Variants in HDAC4 observed in about 807,000 individuals in gnomAD.
The protein encoded by HDAC4 is histone deacetylase 4, also known as histone deacetylase A.
A neutral mutation model predicts 135.1 loss-of-function variants in HDAC4; 16 were observed. The ratio of observed to expected loss-of-function variants is 0.12; its 90% CI spans 0.08 to 0.18. The LOEUF is 0.18. Ranked by LOEUF, HDAC4 falls within the 10% of genes least tolerant of loss-of-function variation. HDAC4 has a pLI of 1.00. For synonymous variants in HDAC4, 685 were observed against 653.4 expected, an observed-to-expected ratio of 1.05 and a Z score of -0.74; for missense variants, 1,143 against 1,511.8, an observed-to-expected ratio of 0.76 and a Z score of 4.05.
rs2125820603 is a variant in HDAC4 at position 239,331,328 on chromosome 2, G to A, written c.22+21350C>T. Among the ~76,000 whole-genome samples, 1 of 152,260 alleles carries A rather than the reference G, an allele frequency of 6.6e-6. No individual in the cohort carries two copies. The highest frequency in any genetic ancestry group is 3.4e-3 in the Middle Eastern group (1 of 294). On this transcript the variant is annotated intron_variant, in intron 2 of 26. Transcript: ENST00000543185. The surrounding 1 kb of genome is among the most constrained non-coding windows in gnomAD (Gnocchi z 4.5). ...GGAGGGAAGACAAGCAGGAAGGGGT[G>A]GGGTGGCCCTGCCCACTGCATTTCT...
chr2:239,061,503 G>A (rs1285324951), intron 24 of HDAC4, among the ~76,000 whole-genome samples: 2 of 152,004 alleles, frequency 1.3e-5, no homozygotes, highest in African/African-American at 2.4e-5. Context: ...GTGTGTGCAC[G>A]TGTGACTGGT....
chr2:239,108,017 C>G (rs1226358017), intron 15 of HDAC4, 33 bp downstream of exon 15: 10 of 1,609,970 alleles, frequency 6.2e-6, no homozygotes, highest in South Asian at 1.1e-5. Flanking sequence ...GTGCCCAAAG[C>G]CGCAGCTGCC....
chr2:239,084,830 C>T lies in HDAC4; in HGVS notation c.2445-588G>A, dbSNP rs542837689. Among the ~76,000 whole-genome samples, 367 of 150,918 alleles carry T rather than the reference C, an allele frequency of 2.4e-3. 3 individuals are homozygous for T. The highest frequency in any genetic ancestry group is 8.5e-3 in the African/African-American group (346 of 40,918). ...CACACCCCACAGATAGAGACACACA[C>T]ACCATGCAAACGCCCTACACACATA... On this transcript the variant is annotated intron_variant, in intron 19 of 26. Coordinates refer to ENST00000543185, the MANE Select transcript of HDAC4 (RefSeq NM_001378414.1).
intron 13 of HDAC4, among the ~76,000 whole-genome samples, chr2:239,112,801 T>C (rs1180727107): frequency 1.3e-5 from 2 of 152,194 alleles, no homozygotes; most frequent in African/African-American, 4.8e-5. Flanking sequence ...TTAGTTTTGA[T>C]GAACAAATCC....
chr2:239,291,620 G>C (rs573223515), intron 2 of HDAC4, among the ~76,000 whole-genome samples: 290 of 152,362 alleles, frequency 1.9e-3, no homozygotes, highest in African/African-American at 6.7e-3. Flanking sequence ...CCTGGAGAAT[G>C]AAAACAGCTT....
chr2:239,085,452 G>A (rs761898337), intron 19 of HDAC4, among the ~76,000 whole-genome samples: 1 of 152,210 alleles, frequency 6.6e-6, no homozygotes, highest in East Asian at 1.9e-4. Flanking sequence ...CATCCTAGAC[G>A]CTGAGCTCCT....
At chr2:239,160,558 C>T (rs1372351302) in intron 6 of HDAC4, among the ~76,000 whole-genome samples, 2 of 152,252 alleles carry the variant, frequency 1.3e-5, no homozygotes, top group East Asian at 1.9e-4. Context: ...CTCTGAATTT[C>T]CCATCAGTGG....
At chr2:239,294,435 GAA>G (rs1045509406) in intron 2 of HDAC4, among the ~76,000 whole-genome samples, 1 of 151,720 alleles carries the variant, frequency 6.6e-6, no homozygotes, top group Non-Finnish European at 1.5e-5. Context: ...GGGCAGAGAT[GAA>G]AAAAAAGAGA....
At position 239,050,313 on chromosome 2, in the gene HDAC4, T is replaced by A. The variant is rs1202355140; in HGVS notation, c.*2784A>T. The stretch of plus-strand genomic sequence containing the variant: ...CCATCATCTGCTTAAAAAAAAAAAG[T>A]GAGATGATGCATTCCTCCCCATAAG... On this transcript the variant is annotated 3_prime_UTR_variant, in exon 27 of 27. Coordinates refer to ENST00000543185, the MANE Select transcript of HDAC4 (RefSeq NM_001378414.1). 3 of 147,134 alleles carry A rather than the reference T, an allele frequency of 2.0e-5. No homozygotes were observed. Among genetic ancestry groups the A allele is most frequent in the African/African-American group, 7.5e-5 (3 of 40,088 alleles). The allele number at this position is 147,134 out of a possible 1,614,324, so 9.1% of individuals were successfully genotyped here.
chr2:239,226,028 A>G (rs1055010224), intron 3 of HDAC4, among the ~76,000 whole-genome samples: 1 of 152,216 alleles, frequency 6.6e-6, no homozygotes, highest in Non-Finnish European at 1.5e-5. Flanking sequence ...GCGACACCCT[A>G]ACACAGACAA....
At chr2:239,260,325 T>C (rs2049282953) in intron 2 of HDAC4, among the ~76,000 whole-genome samples, 2 of 152,202 alleles carry the variant, frequency 1.3e-5, no homozygotes. Context: ...TCACTAGCTG[T>C]CAGATCTTAG....
intron 3 of HDAC4, among the ~76,000 whole-genome samples, chr2:239,217,720 C>T (rs1318329906): frequency 6.6e-6 from 1 of 152,166 alleles, no homozygotes; most frequent in Non-Finnish European, 1.5e-5. Context: ...AGAAACCACA[C>T]ACACCAGACC....
chr2:239,113,804 G>A (rs1002190999), intron 13 of HDAC4, among the ~76,000 whole-genome samples: 1 of 152,186 alleles, frequency 6.6e-6, no homozygotes, highest in Non-Finnish European at 1.5e-5. Flanking sequence ...GAAGCACCGT[G>A]TGTGTGCCAG....
intron 19 of HDAC4, 29 bp downstream of exon 19, chr2:239,087,530 T>G (rs1435114831): frequency 1.2e-6 from 2 of 1,608,448 alleles, no homozygotes; most frequent in South Asian, 2.2e-5. Flanking sequence ...TGGGTTCCCC[T>G]GCTGTGCGGG....
At chr2:239,288,675 G>A (rs1001860358) in intron 2 of HDAC4, among the ~76,000 whole-genome samples, 5 of 139,434 alleles carry the variant, frequency 3.6e-5, no homozygotes, top group Non-Finnish European at 6.4e-5. Context: ...AAAAAAAAAC[G>A]TATTGTCTGC....
chr2:239,347,017 G>A (rs949060853), intron 2 of HDAC4, among the ~76,000 whole-genome samples: 10 of 137,574 alleles, frequency 7.3e-5, no homozygotes, highest in Non-Finnish European at 1.1e-4. Context: ...CCCATCACAC[G>A]CACACACCCT....
chr2:239,117,059 C>T (rs1011133100), intron 12 of HDAC4, among the ~76,000 whole-genome samples: 44 of 152,194 alleles, frequency 2.9e-4, no homozygotes, highest in African/African-American at 9.2e-4. Context: ...CATTGCTCAT[C>T]GCACATTCAC....
chr2:239,156,016 G>T (rs1439201451), intron 7 of HDAC4, among the ~76,000 whole-genome samples: 2 of 152,212 alleles, frequency 1.3e-5, no homozygotes, highest in African/African-American at 4.8e-5. Flanking sequence ...CCCTGAGAAA[G>T]TCACAGAGGG....
intron 12 of HDAC4, among the ~76,000 whole-genome samples, chr2:239,124,802 A>G (rs1337344088): frequency 8.5e-6 from 1 of 117,524 alleles, no homozygotes; most frequent in Non-Finnish European, 1.8e-5. Flanking sequence ...GTTATATGAC[A>G]TTCCACGTTA....
Sources: gnomAD v4.1 joint callset for allele counts (sites outside exome capture counted in the v4.1 genomes callset) on GRCh38, gnomAD v4.1.1 for gene constraint, Gnocchi (gnomAD v3.1) non-coding constraint, MANE v1.5 for transcripts, NCBI Gene and HGNC (gene_info 2026-07-23, HGNC 2026-07-21) for gene names.